The following MPHOSPH9 variants were observed in gnomAD, a reference collection of about 807,000 sequenced individuals.
MPHOSPH9 encodes the protein M-phase phosphoprotein 9.
Under a neutral mutation model 145.5 loss-of-function variants are expected in MPHOSPH9, and 88 were observed. The ratio of observed to expected loss-of-function variants is 0.60; its 90% CI spans 0.51 to 0.72. The LOEUF (loss-of-function observed/expected upper bound fraction) is 0.72. Ranked by LOEUF, MPHOSPH9 falls within the 30% of genes least tolerant of loss-of-function variation. The pLI is 0.00. For synonymous variants in MPHOSPH9, 435 were observed against 486.2 expected (o/e 0.89, Z 1.39); for missense variants, 1,238 against 1,386.6 (o/e 0.89, Z 1.70).
At position 123,221,742 on chromosome 12, in the gene MPHOSPH9, G is replaced by A. The variant is rs1161642607; in HGVS notation, c.502C>T (p.His168Tyr). 6 of 1,614,060 alleles carry A rather than the reference G, an allele frequency of 3.7e-6. No individual in the cohort carries two copies. In the South Asian group the frequency reaches 6.6e-5, roughly 18 times the overall value. ...TCAGGTTCTGTGGATTCAGGATAAT[G>A]GATAACAGATTCATTTCTCTCACTG... The part of the protein sequence containing the change: ...LSSERNESVI[H>Y]YPESTEPEIQ... Residue 168 changes from histidine (H) to tyrosine (Y), a missense_variant, in exon 5 of 24, where the codon CAT becomes TAT. His to Tyr is a moderately conservative substitution (Grantham distance 83). This residue lies in a region of MPHOSPH9 where 837 missense variants were observed against 897.5 expected (regional missense o/e 0.93). Coordinates refer to ENST00000606320, the MANE Select transcript of MPHOSPH9 (RefSeq NM_022782.4).
At chr12:123,187,290 T>C (rs1226996006) in intron 13 of MPHOSPH9, among the ~76,000 whole-genome samples, 3 of 151,994 alleles carry the variant, frequency 2.0e-5, no homozygotes, top group African/African-American at 7.3e-5. Flanking sequence ...ACAATATCAG[T>C]ACATTATTTA....
chr12:123,203,150 G>A, intron 9 of MPHOSPH9, 66 bp from the exon 10 acceptor site: 1 of 1,588,494 alleles, frequency 6.3e-7, no homozygotes, highest in Non-Finnish European at 8.6e-7. Flanking sequence ...GTTTTGAAGT[G>A]AGTAGGCTTT....
At chr12:123,168,889 G>GTTT (rs1052892589) in intron 16 of MPHOSPH9, among the ~76,000 whole-genome samples, 2 of 141,032 alleles carry the variant, frequency 1.4e-5, no homozygotes, top group Non-Finnish European at 3.1e-5. Context: ...CTTTCCCTCA[G>GTTT]TTTTTTTTTT....
chr12:123,153,608 A>G (rs1350850494), downstream of MPHOSPH9, among the ~76,000 whole-genome samples: 2 of 152,014 alleles, frequency 1.3e-5, no homozygotes, highest in Non-Finnish European at 2.9e-5. Context: ...TCTCTACCGA[A>G]AATACAAAAA....
rs775277319 is a variant in MPHOSPH9 at position 123,203,082 on chromosome 12, G to A, written c.1323C>T (p.Val441=). 2.5e-6 allele frequency: 4 copies of A among 1,609,704 alleles called. No individual in the cohort carries two copies. Among genetic ancestry groups the A allele is most frequent in the Non-Finnish European group, 3.4e-6 (4 of 1,178,334 alleles). Residue 441 remains valine (V), a splice_region_variant and synonymous_variant, in exon 10 of 24, where the codon GTC becomes GTT. Coordinates refer to ENST00000606320, the MANE Select transcript of MPHOSPH9 (RefSeq NM_022782.4). ...SASNPNHPPE[V]LTLDPTLHMK... is the part of the protein sequence containing the mutation. The stretch of plus-strand genomic sequence containing the variant: ...TGTGTAACGTAGGATCTAGAGTCAG[G>A]ACCTGGAAACCAGACAACAACGAAG...
chr12:123,196,815 C>A (rs1440609019), intron 12 of MPHOSPH9, among the ~76,000 whole-genome samples: 1 of 152,052 alleles, frequency 6.6e-6, no homozygotes, highest in Non-Finnish European at 1.5e-5. Context: ...GAAATATATT[C>A]AGCCATAAAC....
chr12:123,182,800 C>A (rs1180158226), intron 13 of MPHOSPH9, among the ~76,000 whole-genome samples: 1 of 150,940 alleles, frequency 6.6e-6, no homozygotes. Flanking sequence ...TGTAATCCTG[C>A]CTACTTGGGT....
intron 15 of MPHOSPH9, among the ~76,000 whole-genome samples, chr12:123,178,057 T>G (rs1380896960): frequency 1.3e-5 from 2 of 152,198 alleles, no homozygotes; most frequent in South Asian, 4.1e-4. Context: ...TTCCCCCCTT[T>G]AAGAGATGAG....
chr12:123,226,392 A>G, intron 3 of MPHOSPH9: 1 of 919,350 alleles, frequency 1.1e-6, no homozygotes, highest in Non-Finnish European at 1.4e-6. Context: ...AGTACAATTA[A>G]CGTTTAAAAC....
At chr12:123,237,590 G>A (rs979973553), upstream of MPHOSPH9, among the ~76,000 whole-genome samples, 6 of 152,182 alleles carry the variant, frequency 3.9e-5, no homozygotes, top group South Asian at 6.2e-4. Flanking sequence ...CCTCCCGTCC[G>A]CCAAAATCAA....
At chr12:123,177,182 C>T (rs1157545900) in intron 15 of MPHOSPH9, among the ~76,000 whole-genome samples, 1 of 151,014 alleles carries the variant, frequency 6.6e-6, no homozygotes, top group Non-Finnish European at 1.5e-5. Context: ...CCGTCACACA[C>T]AAAAAAAGAG....
chr12:123,229,177 T>C (rs1045934286), intron 2 of MPHOSPH9, among the ~76,000 whole-genome samples: 2 of 152,218 alleles, frequency 1.3e-5, no homozygotes, highest in Non-Finnish European at 2.9e-5. Context: ...TGTTTAAAGC[T>C]CCTTGCCCCT....
chr12:123,186,475 G>C (rs1002895839), intron 13 of MPHOSPH9, among the ~76,000 whole-genome samples: 5 of 151,970 alleles, frequency 3.3e-5, no homozygotes, highest in Non-Finnish European at 7.4e-5. Context: ...TTTTCTGCAG[G>C]CTTGAAACTT....
intron 1 of MPHOSPH9, among the ~76,000 whole-genome samples, chr12:123,231,921 A>G (rs1332811359): frequency 6.7e-6 from 1 of 148,190 alleles, no homozygotes; most frequent in Non-Finnish European, 1.5e-5. Context: ...TGCAACAGGA[A>G]TATTATCTAG....
chr12:123,206,031 T>C (rs960491273), intron 8 of MPHOSPH9, among the ~76,000 whole-genome samples: 1 of 152,118 alleles, frequency 6.6e-6, no homozygotes, highest in African/African-American at 2.4e-5. Context: ...TCCTACATGC[T>C]ACTAAGACAG....
chr12:123,192,610 C>G (rs2045730052), intron 13 of MPHOSPH9, among the ~76,000 whole-genome samples: 1 of 99,884 alleles, frequency 1.0e-5, no homozygotes, highest in Non-Finnish European at 1.8e-5. Flanking sequence ...GCCTGGGCAA[C>G]AGAGTGAGAC....
At position 123,221,528 on chromosome 12, in the gene MPHOSPH9, A is replaced by T; in HGVS notation, c.716T>A (p.Leu239His). The change falls in exon 5 of 24, where the codon CTT becomes CAT. Residue 239 changes from leucine to histidine, a missense_variant. By Grantham distance (99) the Leu-to-His change is moderately conservative (BLOSUM62 -3). Around this residue, in one of 3 missense-constraint regions of MPHOSPH9, gnomAD observed 837 missense variants for 897.5 expected, o/e 0.93. Transcript: ENST00000606320. ...ATTCTCATTTTTCACACCATCTACA[A>T]GTGACTCAGCCGGCACCGCAGGTGC... ...YVAPAVPAES[L>H]VDGVKNENFY... is the part of the protein sequence containing the mutation. 2.5e-6 allele frequency: 4 copies of T among 1,614,214 alleles called. No individual in the cohort carries two copies. The highest frequency in any genetic ancestry group is 3.4e-6 in the Non-Finnish European group (4 of 1,180,052).
intron 5 of MPHOSPH9, among the ~76,000 whole-genome samples, chr12:123,219,313 G>A (rs2047099478): frequency 6.6e-6 from 1 of 151,778 alleles, no homozygotes; most frequent in East Asian, 1.9e-4. Context: ...GACTAACAGT[G>A]ACAGGCCTGG....
Position 123,223,076 on chromosome 12 carries a change from T to C in MPHOSPH9, c.310A>G (p.Ile104Val), listed in dbSNP as rs1413787839. 2.4e-5 allele frequency: 36 copies of C among 1,510,828 alleles called. No individual in the cohort carries two copies. The highest frequency in any genetic ancestry group is 3.1e-5 in the Non-Finnish European group (35 of 1,135,774). The allele number at this position is 1,510,828 out of a possible 1,614,324, so 93.6% of individuals were successfully genotyped here. A position where few individuals can be genotyped will look rare whatever the true frequency, so the allele number is the denominator to read the frequency against. ...TGGAACTGCTCCTGCTGGGCAACTA[T>C]CTGTTCTTGGCATTGTTTTTCCACC... ...NLVEKQCQEQ[I>V]VAQQEQFHNQ... Residue 104 changes from isoleucine to valine, a missense_variant, in exon 4 of 24, where the codon ATA becomes GTA. Transcript: ENST00000606320.
Sources: allele counts gnomAD v4.1 joint callset (sites outside exome capture counted in the v4.1 genomes callset), GRCh38; gene constraint gnomAD v4.1.1; regional missense constraint gnomAD v4.1.1; transcripts MANE v1.5; gene names NCBI Gene and HGNC (gene_info 2026-07-23, HGNC 2026-07-21).